Variants in NEK1 observed in about 807,000 individuals in gnomAD.
NEK1 encodes the protein serine/threonine-protein kinase Nek1.
NEK1 carries 137 observed loss-of-function variants against 182.1 expected under a neutral mutation model. The ratio of observed to expected loss-of-function variants is 0.75; its 90% CI spans 0.65 to 0.87. NEK1 has a LOEUF of 0.87. NEK1 is among the 40% of genes least tolerant of loss of function. The pLI is 0.00. For missense variants in NEK1, 1,391 were observed against 1,494.4 expected (o/e 0.93, Z 1.14); for synonymous variants, 513 against 492.2 (o/e 1.04, Z -0.56).
intron 4 of NEK1, 57 bp downstream of exon 4, chr4:169,601,951 C>T: frequency 6.3e-6 from 8 of 1,266,738 alleles, no homozygotes; most frequent in South Asian, 1.3e-5. Context: ...AATGCATTCA[C>T]AAAAAGATTT....
intron 26 of NEK1, among the ~76,000 whole-genome samples, chr4:169,464,265 T>C (rs1744515904): frequency 6.6e-6 from 1 of 152,174 alleles, no homozygotes; most frequent in Non-Finnish European, 1.5e-5. Context: ...CCAGAATACC[T>C]GAGAGCTGTT....
At chr4:169,410,584 A>C (rs1195165494) in intron 31 of NEK1, among the ~76,000 whole-genome samples, 1 of 152,202 alleles carries the variant, frequency 6.6e-6, no homozygotes, top group Non-Finnish European at 1.5e-5. Flanking sequence ...ACCACTGTGA[A>C]TATCTGCTTA....
chr4:169,504,959 T>A (rs1253570221), intron 23 of NEK1, among the ~76,000 whole-genome samples: 3 of 152,174 alleles, frequency 2.0e-5, no homozygotes, highest in African/African-American at 7.2e-5. Context: ...TTTGCATTTA[T>A]GCCTGTATTA....
At chr4:169,502,919 T>G (rs1179252535) in intron 23 of NEK1, among the ~76,000 whole-genome samples, 2 of 152,080 alleles carry the variant, frequency 1.3e-5, no homozygotes, top group African/African-American at 4.8e-5. Flanking sequence ...GACATCCAAA[T>G]AGGAAAAGAG....
intron 12 of NEK1, among the ~76,000 whole-genome samples, chr4:169,570,777 C>T (rs1426048651): frequency 6.6e-6 from 1 of 152,136 alleles, no homozygotes; most frequent in Admixed American, 6.5e-5. Flanking sequence ...CGGATGGTTG[C>T]CGTGTCTGTG....
chr4:169,499,596 C>G (rs1183790987), intron 23 of NEK1, among the ~76,000 whole-genome samples: 1 of 151,966 alleles, frequency 6.6e-6, no homozygotes, highest in Non-Finnish European at 1.5e-5. Flanking sequence ...GGTGTTCTTT[C>G]TGTTTGTTAG....
At chr4:169,588,766 T>A (rs889247343) in intron 7 of NEK1, 31 bp from the exon 8 acceptor site, 83 of 1,333,680 alleles carry the variant, frequency 6.2e-5, no homozygotes, top group Middle Eastern at 3.6e-4. Context: ...TTGGAGAAGT[T>A]AAAGACACAG....
At chr4:169,521,522 G>T (rs998908358) in intron 19 of NEK1, among the ~76,000 whole-genome samples, 1 of 152,106 alleles carries the variant, frequency 6.6e-6, no homozygotes, top group African/African-American at 2.4e-5. Flanking sequence ...GGCCATCTTG[G>T]TTCCTCCCCC....
At chr4:169,564,018 T>C (rs1053097878) in intron 12 of NEK1, among the ~76,000 whole-genome samples, 2 of 152,184 alleles carry the variant, frequency 1.3e-5, no homozygotes, top group Non-Finnish European at 2.9e-5. Context: ...GATTTCTGCA[T>C]ATGTTCTTAC....
intron 18 of NEK1, among the ~76,000 whole-genome samples, chr4:169,544,944 T>C (rs990532901): frequency 2.6e-5 from 4 of 152,120 alleles, no homozygotes; most frequent in Admixed American, 6.5e-5. Flanking sequence ...CCTGGATTCA[T>C]TGATTTTTTG....
intron 27 of NEK1, among the ~76,000 whole-genome samples, chr4:169,458,914 A>C (rs918614411): frequency 1.3e-5 from 2 of 152,104 alleles, no homozygotes; most frequent in East Asian, 3.8e-4. Flanking sequence ...TCTCTAATCC[A>C]AAATGCTCCA....
chr4:169,460,671 AAAAG>A (rs1292931255), intron 27 of NEK1, among the ~76,000 whole-genome samples: 1 of 152,204 alleles, frequency 6.6e-6, no homozygotes, highest in African/African-American at 2.4e-5. Context: ...ACTTTAAGTA[AAAAG>A]AAAGATATAC....
At chr4:169,603,201 T>C (rs1337360594) in intron 2 of NEK1, among the ~76,000 whole-genome samples, 1 of 152,204 alleles carries the variant, frequency 6.6e-6, no homozygotes, top group Admixed American at 6.5e-5. Context: ...TTCAAACATA[T>C]TAAGTGTCTT....
chr4:169,479,179 TAA>T (rs145498835), intron 24 of NEK1, among the ~76,000 whole-genome samples: 2 of 152,244 alleles, frequency 1.3e-5, no homozygotes, highest in African/African-American at 2.4e-5. Flanking sequence ...TAAAGTAATA[TAA>T]GAGTTATTGT....
intron 23 of NEK1, among the ~76,000 whole-genome samples, chr4:169,502,011 T>A (rs1554051087): frequency 6.6e-6 from 1 of 151,348 alleles, no homozygotes; most frequent in African/African-American, 2.4e-5. Flanking sequence ...GATTAACACA[T>A]GAAAAAAAGA....
chr4:169,591,131 T>C (rs979629252), intron 5 of NEK1, among the ~76,000 whole-genome samples: 1 of 150,894 alleles, frequency 6.6e-6, no homozygotes, highest in Non-Finnish European at 1.5e-5. Flanking sequence ...TTAATACATC[T>C]TTTTTCTATA....
At chr4:169,569,447 C>T (rs1456482698) in intron 12 of NEK1, among the ~76,000 whole-genome samples, 1 of 137,746 alleles carries the variant, frequency 7.3e-6, no homozygotes, top group East Asian at 2.1e-4. Flanking sequence ...TCCCTCTCTC[C>T]CTCCCTCCCT....
chr4:169,487,555 G>A (rs1036406253), intron 23 of NEK1, among the ~76,000 whole-genome samples: 1 of 152,126 alleles, frequency 6.6e-6, no homozygotes, highest in African/African-American at 2.4e-5. Flanking sequence ...TCTTTATCCA[G>A]TCTATCACTG....
chr4:169,487,154 AT>A (rs377512093), intron 23 of NEK1, among the ~76,000 whole-genome samples: 109 of 151,784 alleles, frequency 7.2e-4, no homozygotes, highest in Non-Finnish European at 1.2e-3. Context: ...TAAGGCAGTG[AT>A]TTTTTTTTCC....
Sources: gnomAD v4.1 joint callset for allele counts (sites outside exome capture counted in the v4.1 genomes callset) on GRCh38, gnomAD v4.1.1 for gene constraint, MANE v1.5 for transcripts, NCBI Gene and HGNC (gene_info 2026-07-23, HGNC 2026-07-21) for gene names.